The following GLG1 variants were observed in gnomAD, a reference collection of about 807,000 sequenced individuals.
The protein encoded by GLG1 is golgi glycoprotein 1.
Under a neutral mutation model 160.5 loss-of-function variants are expected in GLG1, and 38 were observed. That is an observed-to-expected ratio of 0.24 (90% CI 0.18 to 0.31). The LOEUF is 0.31. Ranked by LOEUF, GLG1 falls within the 10% of genes least tolerant of loss-of-function variation. The pLI is 1.00. For missense variants in GLG1, 1,373 were observed against 1,505.2 expected, an observed-to-expected ratio of 0.91 and a Z score of 1.45; for synonymous variants, 644 against 543.4, an observed-to-expected ratio of 1.19 and a Z score of -2.57.
At chr16:74,463,283 C>A in intron 20 of GLG1, 73 bp downstream of exon 20, 2 of 1,446,876 alleles carry the variant, frequency 1.4e-6, no homozygotes, top group South Asian at 2.4e-5. Flanking sequence ...GGAGTTTGAG[C>A]AGGTCACTCT....
At position 74,606,723 on chromosome 16, in the gene GLG1, G is replaced by C. The variant is rs1422779269; in HGVS notation, c.372C>G (p.Arg124=). The C allele has an allele frequency of 6.2e-7, 1 of 1,612,564 alleles. No homozygotes were observed. The highest frequency in any genetic ancestry group is 1.7e-5 in the Admixed American group (1 of 59,920). Residue 124 remains arginine, a synonymous_variant, in exon 1 of 26, where the codon CGC becomes CGG. Transcript: ENST00000422840. ...TGCTCCAGGTGTGCTTAGGGCACAC[G>C]CGGGTCACGTCCTCCCTGCAGGACT... ...EEESCREDVT[R]VCPKHTWSNN... is the part of the protein sequence containing the mutation.
intron 1 of GLG1, among the ~76,000 whole-genome samples, chr16:74,573,226 C>T (rs2018887120): frequency 6.6e-6 from 1 of 152,094 alleles, no homozygotes; most frequent in African/African-American, 2.4e-5. Flanking sequence ...ACAGTTGGCC[C>T]TCAGAAGATC....
At chr16:74,478,206 G>C (rs1320899597) in intron 11 of GLG1, among the ~76,000 whole-genome samples, 1 of 152,122 alleles carries the variant, frequency 6.6e-6, no homozygotes, top group East Asian at 1.9e-4. Context: ...TAATGTGTCA[G>C]TCTATGAACA....
At chr16:74,594,777 T>C (rs960731456) in intron 1 of GLG1, among the ~76,000 whole-genome samples, 8 of 152,190 alleles carry the variant, frequency 5.3e-5, no homozygotes, top group Non-Finnish European at 7.3e-5. Context: ...TCTCACTCTG[T>C]TGCCCAGGCT....
chr16:74,503,430 A>G lies in GLG1; in HGVS notation c.774+101T>C. 5.2e-6 allele frequency: 4 copies of G among 766,092 alleles called. No individual in the cohort carries two copies. In the South Asian group the frequency reaches 6.4e-5, roughly 12 times the overall value. 47.5% of individuals were successfully genotyped at this position (766,092 alleles called of 1,614,324 possible). A position where few individuals can be genotyped will look rare whatever the true frequency, so the allele number is the denominator to read the frequency against. ...GACAAGTTTCTTCAATTTCAACTTA[A>G]GGTCACTCCAGTCCTAAATTTTTCC... On this transcript the variant is annotated intron_variant, in intron 4 of 25. Transcript: ENST00000422840.
At chr16:74,457,071 C>CATTATA (rs547554057) in intron 24 of GLG1, among the ~76,000 whole-genome samples, 1 of 152,162 alleles carries the variant, frequency 6.6e-6, no homozygotes, top group Non-Finnish European at 1.5e-5. Context: ...TTTGAGACTA[C>CATTATA]ATTATAGTAA....
chr16:74,601,396 C>G (rs1301120691), intron 1 of GLG1, among the ~76,000 whole-genome samples: 1 of 151,628 alleles, frequency 6.6e-6, no homozygotes, highest in East Asian at 1.9e-4. Flanking sequence ...CCTGGGCAAC[C>G]CGGCAAGACC....
At chr16:74,512,115 C>A (rs1014809068) in intron 2 of GLG1, among the ~76,000 whole-genome samples, 1 of 151,760 alleles carries the variant, frequency 6.6e-6, no homozygotes, top group Non-Finnish European at 1.5e-5. Flanking sequence ...TCCTCTCTAC[C>A]CTCATCTTCT....
At chr16:74,570,792 G>A (rs2018802946) in intron 1 of GLG1, among the ~76,000 whole-genome samples, 1 of 152,208 alleles carries the variant, frequency 6.6e-6, no homozygotes, top group Admixed American at 6.5e-5. Flanking sequence ...GAAGGCTGAA[G>A]TGGGAGAATG....
chr16:74,544,789 C>T (rs111903307), intron 1 of GLG1, among the ~76,000 whole-genome samples: 10 of 151,994 alleles, frequency 6.6e-5, no homozygotes, highest in Non-Finnish European at 7.4e-5. Context: ...TGTGAGCCAC[C>T]GCGCCCGGCC....
At chr16:74,602,997 G>A (rs776816726) in intron 1 of GLG1, among the ~76,000 whole-genome samples, 5 of 151,866 alleles carry the variant, frequency 3.3e-5, no homozygotes, top group Admixed American at 6.6e-5. Flanking sequence ...GGCTGAGACA[G>A]GAGAATCACT....
chr16:74,542,755 A>G (rs1160301703), intron 1 of GLG1, among the ~76,000 whole-genome samples: 488 of 42,586 alleles, frequency 0.011, 1 homozygote, highest in Non-Finnish European at 0.019. Flanking sequence ...GGAAGGAAGG[A>G]AGGAAGGAAG....
chr16:74,517,557 C>T (rs943049079), intron 2 of GLG1, among the ~76,000 whole-genome samples: 2 of 152,036 alleles, frequency 1.3e-5, no homozygotes, highest in African/African-American at 4.8e-5. Flanking sequence ...TCGCAACATA[C>T]TAAGAGCTAT....
At chr16:74,466,861 AG>A (rs2015018011) in intron 18 of GLG1, among the ~76,000 whole-genome samples, 1 of 152,212 alleles carries the variant, frequency 6.6e-6, no homozygotes, top group Non-Finnish European at 1.5e-5. Flanking sequence ...AAAGTACCAA[AG>A]AAAAAGTTAA....
chr16:74,470,475 CCT>C, intron 15 of GLG1, among the ~76,000 whole-genome samples: 1 of 145,256 alleles, frequency 6.9e-6, no homozygotes, highest in East Asian at 2.0e-4. Context: ...TTTGACAGAG[CCT>C]CTCTCTTGTC....
At chr16:74,479,389 G>A (rs1327680602) in intron 11 of GLG1, among the ~76,000 whole-genome samples, 1 of 149,160 alleles carries the variant, frequency 6.7e-6, no homozygotes, top group Non-Finnish European at 1.5e-5. Context: ...ATAGTGACCA[G>A]AAAGATGCCG....
In GLG1 at chr16:74,597,869, A is replaced by G. The variant is rs938326964; in HGVS notation, c.438+8788T>C. On this transcript the variant is annotated intron_variant, in intron 1 of 25. Transcript: ENST00000422840. Reference sequence around the variant, plus strand: ...ACTGCCTCAAAAAAAAAAAAAAAAAAGCTGGACATGGTGGTGTGTACCTGT... The same window carrying G: ...ACTGCCTCAAAAAAAAAAAAAAAAAGGCTGGACATGGTGGTGTGTACCTGT... 1.2e-4 allele frequency among the ~76,000 whole-genome samples: 16 copies of G among 128,248 alleles called. No individual in the cohort carries two copies. In the East Asian group the frequency reaches 1.4e-3, roughly 11 times the overall value. The allele number at this position is 128,248 out of a possible 152,430, so 84.1% of individuals were successfully genotyped here. A position where few individuals can be genotyped will look rare whatever the true frequency, so the allele number is the denominator to read the frequency against.
chr16:74,462,181 G>T lies in GLG1; in HGVS notation c.2949C>A (p.Asp983Glu), dbSNP rs773831791. ...LRYADQRLSS[D>E]CEDQIRIIIQ... is the part of the protein sequence containing the mutation. ...TAATGATTCGGATCTGGTCTTCACA[G>T]TCTGAAGACAGGCGCTGCATGTGAC... Residue 983 changes from aspartate (D) to glutamate (E), a missense_variant, in exon 22 of 26, where the codon GAC (aspartate) becomes GAA (glutamate). This residue lies in a region of GLG1 where 491 missense variants were observed against 632.1 expected (regional missense o/e 0.78). Coordinates refer to ENST00000422840, the MANE Select transcript of GLG1 (RefSeq NM_001145667.2). 5 of 1,590,012 alleles carry T rather than the reference G, an allele frequency of 3.1e-6. No individual in the cohort carries two copies. The highest frequency in any genetic ancestry group is 4.3e-6 in the Non-Finnish European group (5 of 1,158,428).
chr16:74,537,379 C>CA (rs927429907), intron 1 of GLG1, among the ~76,000 whole-genome samples: 6 of 152,020 alleles, frequency 3.9e-5, no homozygotes, highest in African/African-American at 7.2e-5. Context: ...AAAAACCTCA[C>CA]AAAAAACAGA....
Sources: gnomAD v4.1 joint callset for allele counts (sites outside exome capture counted in the v4.1 genomes callset) on GRCh38, gnomAD v4.1.1 for gene constraint, gnomAD v4.1.1 regional missense constraint, MANE v1.5 for transcripts, NCBI Gene and HGNC (gene_info 2026-07-23, HGNC 2026-07-21) for gene names.